SEC63: variants seen among roughly 807,000 people sequenced by gnomAD.
SEC63 encodes SEC63 protein translocation regulator.
SEC63 carries 56 observed loss-of-function variants against 116.2 expected under a neutral mutation model. The ratio of observed to expected loss-of-function variants is 0.48; its 90% CI spans 0.39 to 0.60. SEC63 has a LOEUF of 0.60. Among genes scored for constraint, SEC63 ranks in the 20% least tolerant of loss-of-function variants. SEC63 has a pLI of 0.00. For synonymous variants in SEC63, 273 were observed against 294.6 expected (o/e 0.93, Z 0.75); for missense variants, 668 against 900.0 (o/e 0.74, Z 3.30).
chr6:107,898,070 G>GA (rs1786907306), intron 13 of SEC63, among the ~76,000 whole-genome samples: 1 of 152,062 alleles, frequency 6.6e-6, no homozygotes, highest in Non-Finnish European at 1.5e-5. Context: ...TTCGAGACCA[G>GA]CAGGGCAACA....
intron 1 of SEC63, chr6:107,956,048 A>G (rs770096347): frequency 2.5e-6 from 1 of 400,634 alleles, no homozygotes; most frequent in South Asian, 1.8e-5. Context: ...GGGGGGCTGA[A>G]GCGGGAGGAT....
Position 107,881,156 on chromosome 6 carries a change from A to G in SEC63, c.1928T>C (p.Phe643Ser). The G allele has an allele frequency of 6.2e-7, 1 of 1,603,222 alleles. No individual in the cohort carries two copies. Among genetic ancestry groups the G allele is most frequent in the Non-Finnish European group, 8.5e-7 (1 of 1,171,450 alleles). Residue 643 changes from phenylalanine (F) to serine (S), a missense_variant, in exon 18 of 21, where the codon TTT becomes TCT. Phe to Ser is a radical substitution (Grantham distance 155, BLOSUM62 -2). Transcript: ENST00000369002. ...KITHPVYSLY[F>S]PEEKQEWWWL... ...AGCCTGTATATAACTCACCTCAGGAAAGTAAAGGCTATACACAGGATGTGT... is the reference window on the plus strand; with the variant it reads ...AGCCTGTATATAACTCACCTCAGGAGAGTAAAGGCTATACACAGGATGTGT...
intron 17 of SEC63, among the ~76,000 whole-genome samples, chr6:107,882,569 C>T (rs186879552): frequency 6.6e-6 from 1 of 152,234 alleles, no homozygotes; most frequent in East Asian, 1.9e-4. Flanking sequence ...ACATCAGGGT[C>T]CACAGTACTG....
chr6:107,937,267 C>A (rs1770269556), intron 1 of SEC63, among the ~76,000 whole-genome samples: 1 of 152,024 alleles, frequency 6.6e-6, no homozygotes, highest in South Asian at 2.1e-4. Flanking sequence ...GGATTACGGG[C>A]ATGCGCCACC....
intron 4 of SEC63, among the ~76,000 whole-genome samples, chr6:107,918,063 C>T (rs960691269): frequency 6.6e-6 from 1 of 152,278 alleles, no homozygotes. Context: ...TAGGGGCTAA[C>T]GTTGCTGGCG....
chr6:107,873,133 G>A (rs1383960663), intron 19 of SEC63, among the ~76,000 whole-genome samples: 1 of 152,108 alleles, frequency 6.6e-6, no homozygotes, highest in East Asian at 1.9e-4. Flanking sequence ...AAATTATGCA[G>A]AACTGATGAG....
chr6:107,919,987 C>T (rs937778069), intron 4 of SEC63, among the ~76,000 whole-genome samples: 1 of 152,076 alleles, frequency 6.6e-6, no homozygotes, highest in African/African-American at 2.4e-5. Flanking sequence ...CTTCAGTAAC[C>T]ACTATCCTGA....
rs145601216 is a variant in SEC63, at chr6:107,942,625, G to A, written c.125-13111C>T. ...CCCTTGAACAACGTTGGGGTTAGGG[G>A]CCCTGTCCCCACCCCCTGTGCAGTC... On this transcript the variant is annotated intron_variant, in intron 1 of 20. Coordinates refer to ENST00000369002, the MANE Select transcript of SEC63 (RefSeq NM_007214.5). 7.0e-3 allele frequency among the ~76,000 whole-genome samples: 1,060 copies of A among 152,282 alleles called. 8 individuals are homozygous for A. The highest frequency in any genetic ancestry group is 0.012 in the Non-Finnish European group (811 of 68,020).
At chr6:107,875,566 T>G (rs1452340487) in intron 19 of SEC63, among the ~76,000 whole-genome samples, 1 of 151,894 alleles carries the variant, frequency 6.6e-6, no homozygotes, top group Non-Finnish European at 1.5e-5. Context: ...GCGTGGCTAA[T>G]TTTTACGGGG....
intron 19 of SEC63, among the ~76,000 whole-genome samples, chr6:107,875,119 C>T (rs1294378800): frequency 1.3e-5 from 2 of 152,052 alleles, no homozygotes; most frequent in African/African-American, 4.8e-5. Context: ...CCGCCTTGGC[C>T]TCCCAAAATG....
intron 1 of SEC63, among the ~76,000 whole-genome samples, chr6:107,947,410 A>C (rs776193994): frequency 5.3e-5 from 8 of 152,132 alleles, no homozygotes; most frequent in Non-Finnish European, 1.0e-4. Flanking sequence ...AACCCATCCT[A>C]CTGTAATTAC....
Position 107,904,843 on chromosome 6 carries a change from T to C in SEC63, c.962-122A>G. The C allele has an allele frequency of 1.3e-5, 10 of 790,276 alleles. No homozygotes were observed. In the South Asian group the frequency reaches 1.3e-4, roughly 10 times the overall value. 49.0% of individuals were successfully genotyped at this position (790,276 alleles called of 1,614,324 possible). On this transcript the variant is annotated intron_variant, in intron 10 of 20. Coordinates refer to ENST00000369002, the MANE Select transcript of SEC63 (RefSeq NM_007214.5). ...CAAATATTTCACATGATCTCAGAAT[T>C]TTACAGATTGAATGGAAGAGTTTCT... is the stretch of plus-strand genomic sequence containing the variant.
intron 3 of SEC63, among the ~76,000 whole-genome samples, chr6:107,923,447 C>A (rs1398537296): frequency 1.3e-5 from 2 of 152,154 alleles, no homozygotes; most frequent in Non-Finnish European, 2.9e-5. Flanking sequence ...ACCCATTAAT[C>A]AGGTTTAATC....
intron 18 of SEC63, among the ~76,000 whole-genome samples, chr6:107,878,510 G>A (rs1199179378): frequency 6.6e-6 from 1 of 152,178 alleles, no homozygotes; most frequent in African/African-American, 2.4e-5. Context: ...CTTAGAGAAT[G>A]CCTTTCCCTC....
At position 107,958,154 on chromosome 6, in the gene SEC63, G is replaced by T. The variant is rs990143607; in HGVS notation, c.-145C>A. On this transcript the variant is annotated 5_prime_UTR_variant, in exon 1 of 21. Transcript: ENST00000369002. Reference sequence around the variant, plus strand: ...TCCCCGCCCCCACGCCACTCTCACGGACACGCCGCCGCCACCTCTGCCGCT... The same window carrying T: ...TCCCCGCCCCCACGCCACTCTCACGTACACGCCGCCGCCACCTCTGCCGCT... The T allele has an allele frequency of 6.3e-5, 82 of 1,296,184 alleles. No individual in the cohort carries two copies. The Admixed American group carries it at 1.5e-3, about 24-fold the overall frequency. The allele number at this position is 1,296,184 out of a possible 1,614,324, so 80.3% of individuals were successfully genotyped here.
intron 18 of SEC63, among the ~76,000 whole-genome samples, chr6:107,879,640 C>G (rs1786365208): frequency 6.6e-6 from 1 of 151,624 alleles, no homozygotes; most frequent in African/African-American, 2.4e-5. Context: ...TACATTTTAT[C>G]TGATAAATAA....
intron 1 of SEC63, chr6:107,957,193 T>G (rs1770727264): frequency 1.3e-5 from 2 of 152,208 alleles, no homozygotes; most frequent in African/African-American, 4.8e-5. Context: ...CCCTACAAGA[T>G]TAATTAAACG....
intron 2 of SEC63, among the ~76,000 whole-genome samples, chr6:107,927,086 G>A (rs923874122): frequency 1.3e-5 from 2 of 152,002 alleles, no homozygotes; most frequent in East Asian, 3.9e-4. Context: ...GGTGGGGAAT[G>A]GAGTCTTACT....
chr6:107,958,037 TCACCGCCGCCGCCA>T lies in SEC63; in HGVS notation c.-42_-29del, dbSNP rs1487070796. ...CACCCCCTCCTCCGCCTCGCTCTTC[TCACCGCCGCCGCCA>T]CGACCACGCTCTGCACTCCCGCTCC... On this transcript the variant is annotated 5_prime_UTR_variant, in exon 1 of 21. Transcript: ENST00000369002. The T allele has an allele frequency of 6.2e-7, 1 of 1,611,826 alleles. No homozygotes were observed. The highest frequency in any genetic ancestry group is 1.1e-5 in the South Asian group (1 of 91,050).
Sources: gnomAD v4.1 joint callset for allele counts (sites outside exome capture counted in the v4.1 genomes callset) on GRCh38, gnomAD v4.1.1 for gene constraint, MANE v1.5 for transcripts, NCBI Gene and HGNC (gene_info 2026-07-23, HGNC 2026-07-21) for gene names.